Variants in SCHIP1 observed in about 807,000 individuals in gnomAD.
SCHIP1 encodes the protein schwannomin interacting protein 1.
A neutral mutation model predicts 29.7 loss-of-function variants in SCHIP1; 8 were observed. The ratio of observed to expected loss-of-function variants is 0.27; its 90% CI spans 0.16 to 0.49. The LOEUF (loss-of-function observed/expected upper bound fraction) is 0.49. Ranked by LOEUF, SCHIP1 falls within the 20% of genes least tolerant of loss-of-function variation. The probability of loss-of-function intolerance (pLI) is 0.99; values close to 1 mark genes in which losing one functional copy is unlikely to be tolerated. For missense variants in SCHIP1, 193 were observed against 294.6 expected (o/e 0.66, Z 2.52); for synonymous variants, 76 against 94.9 (o/e 0.80, Z 1.16).
the SCHIP1 span, among the ~76,000 whole-genome samples, chr3:159,454,666 A>G: frequency 6.6e-6 from 1 of 152,150 alleles, no homozygotes; most frequent in East Asian, 1.9e-4. Flanking sequence ...CTTTATTCTG[A>G]TTTGTTCACA....
At chr3:159,396,110 A>C in the SCHIP1 span, among the ~76,000 whole-genome samples, 14 of 138,456 alleles carry the variant, frequency 1.0e-4, no homozygotes, top group African/African-American at 3.2e-4. Context: ...TTGTTGGTTT[A>C]AAGTCTGTTT....
chr3:159,556,321 G>T, the SCHIP1 span, among the ~76,000 whole-genome samples: 1,398 of 152,182 alleles, frequency 9.2e-3, 36 homozygotes, highest in African/African-American at 0.031. Flanking sequence ...CTGTTAGTGG[G>T]ACTGTAAACT....
the SCHIP1 span, among the ~76,000 whole-genome samples, chr3:159,541,937 C>G: frequency 6.6e-6 from 1 of 152,064 alleles, no homozygotes; most frequent in African/African-American, 2.4e-5. Flanking sequence ...AAGGCTGCAG[C>G]TTTGCCCAGC....
chr3:159,747,443 A>G, the SCHIP1 span, among the ~76,000 whole-genome samples: 2 of 152,182 alleles, frequency 1.3e-5, no homozygotes, highest in African/African-American at 2.4e-5. Flanking sequence ...GCAGACTTGT[A>G]TTTACATTCA....
the SCHIP1 span, among the ~76,000 whole-genome samples, chr3:159,293,077 G>A: frequency 6.6e-6 from 1 of 151,838 alleles, no homozygotes; most frequent in African/African-American, 2.4e-5. Context: ...AAAAATAATA[G>A]CTGTTAAGCA....
At chr3:159,373,001 CTTCTT>C in the SCHIP1 span, among the ~76,000 whole-genome samples, 2 of 151,876 alleles carry the variant, frequency 1.3e-5, no homozygotes, top group African/African-American at 4.8e-5. Context: ...ACAAAAATAA[CTTCTT>C]TTATAAGCAA....
chr3:159,572,925 C>A, the SCHIP1 span, among the ~76,000 whole-genome samples: 1 of 143,716 alleles, frequency 7.0e-6, no homozygotes, highest in East Asian at 2.1e-4. Context: ...ACTAGGATTG[C>A]AACCTCTGGT....
At chr3:159,733,572 G>A in the SCHIP1 span, among the ~76,000 whole-genome samples, 1 of 152,174 alleles carries the variant, frequency 6.6e-6, no homozygotes, top group East Asian at 1.9e-4. Context: ...AGAGGCAGTG[G>A]TTTCTCTACA....
At chr3:159,847,291 T>G (rs73168579) in intron 1 of SCHIP1, among the ~76,000 whole-genome samples, 23,507 of 151,984 alleles carry the variant, frequency 0.15, 1,915 homozygotes, top group East Asian at 0.22. Flanking sequence ...CTAATCACAG[T>G]TTTACATACA....
the SCHIP1 span, among the ~76,000 whole-genome samples, chr3:159,710,394 C>T: frequency 6.6e-6 from 1 of 152,110 alleles, no homozygotes; most frequent in African/African-American, 2.4e-5. Flanking sequence ...GAGGGGAAGG[C>T]AGCAGGCAGA....
the SCHIP1 span, among the ~76,000 whole-genome samples, chr3:159,627,504 A>G: frequency 1.3e-5 from 2 of 152,204 alleles, no homozygotes; most frequent in Non-Finnish European, 2.9e-5. Context: ...AGATACACAA[A>G]TGAAGAATCA....
chr3:159,513,528 C>CT, the SCHIP1 span, among the ~76,000 whole-genome samples: 1 of 152,104 alleles, frequency 6.6e-6, no homozygotes, highest in Non-Finnish European at 1.5e-5. Flanking sequence ...GATTAAGTGT[C>CT]TTTCCTGAGC....
chr3:159,342,468 C>G, the SCHIP1 span, among the ~76,000 whole-genome samples: 1 of 152,184 alleles, frequency 6.6e-6, no homozygotes, highest in African/African-American at 2.4e-5. Context: ...TAAACACTGT[C>G]TGACATATAG....
At chr3:159,290,534 CAAAAT>C in the SCHIP1 span, among the ~76,000 whole-genome samples, 3 of 151,838 alleles carry the variant, frequency 2.0e-5, no homozygotes, top group Non-Finnish European at 2.9e-5. Flanking sequence ...AAATAAAAAA[CAAAAT>C]AAGGGAATCT....
chr3:159,465,315 TTG>T, the SCHIP1 span, among the ~76,000 whole-genome samples: 8,728 of 147,950 alleles, frequency 0.059, 359 homozygotes, highest in African/African-American at 0.11. Context: ...ATGTGTATGA[TTG>T]TGTGTGTGTG....
the SCHIP1 span, among the ~76,000 whole-genome samples, chr3:159,599,289 G>A: frequency 6.6e-6 from 1 of 152,182 alleles, no homozygotes; most frequent in African/African-American, 2.4e-5. Context: ...GGTTTTTGGG[G>A]AACAAGTGGT....
chr3:159,779,806 T>C, the SCHIP1 span, among the ~76,000 whole-genome samples: 11 of 152,208 alleles, frequency 7.2e-5, no homozygotes, highest in Admixed American at 1.3e-4. Context: ...TGGATTGTGA[T>C]AGCACTAACT....
intron 1 of SCHIP1, among the ~76,000 whole-genome samples, chr3:159,864,055 A>G (rs1371744396): frequency 1.3e-5 from 2 of 152,192 alleles, no homozygotes; most frequent in East Asian, 1.9e-4. Flanking sequence ...GCTATACTCA[A>G]CAGTTTTCTG....
At chr3:159,469,254 G>A in the SCHIP1 span, among the ~76,000 whole-genome samples, 113 of 152,162 alleles carry the variant, frequency 7.4e-4, no homozygotes, top group African/African-American at 2.6e-3. Context: ...AGGTGAAAGA[G>A]GTGAATTTTA....
Sources: allele counts gnomAD v4.1 joint callset (sites outside exome capture counted in the v4.1 genomes callset), GRCh38; gene constraint gnomAD v4.1.1; transcripts MANE v1.5; gene names NCBI Gene and HGNC (gene_info 2026-07-23, HGNC 2026-07-21).